EPC1: variants seen among roughly 807,000 people sequenced by gnomAD.
The protein encoded by EPC1 is enhancer of polycomb 1, also known as enhancer of polycomb homolog 1.
EPC1 carries 12 observed loss-of-function variants against 98.4 expected under a neutral mutation model. The observed-to-expected ratio is 0.12, with a 90% confidence interval of 0.08 to 0.20. The LOEUF (loss-of-function observed/expected upper bound fraction) is 0.20, where lower values mean the gene tolerates loss of function less well. Ranked by LOEUF, EPC1 falls within the 10% of genes least tolerant of loss-of-function variation. EPC1 has a pLI of 1.00. For missense variants in EPC1, 729 were observed against 990.5 expected (o/e 0.74, Z 3.54); for synonymous variants, 357 against 363.9 (o/e 0.98, Z 0.21).
chr10:32,309,987 G>C (rs956339408), intron 1 of EPC1, among the ~76,000 whole-genome samples: 1 of 151,692 alleles, frequency 6.6e-6, no homozygotes, highest in Non-Finnish European at 1.5e-5. Context: ...TTGAGGTCAG[G>C]AGTTCAAGAC....
chr10:32,340,410 A>G (rs985036826), intron 1 of EPC1, among the ~76,000 whole-genome samples: 1 of 152,266 alleles, frequency 6.6e-6, no homozygotes, highest in Non-Finnish European at 1.5e-5. Context: ...AGTGTCCACT[A>G]TATTTAAAAT....
At chr10:32,326,209 G>A (rs1477286473) in intron 1 of EPC1, among the ~76,000 whole-genome samples, 1 of 152,154 alleles carries the variant, frequency 6.6e-6, no homozygotes, top group Non-Finnish European at 1.5e-5. Flanking sequence ...CTTTAGAGTT[G>A]TTCATCAAAA....
At chr10:32,275,165 C>T (rs556228383) in intron 10 of EPC1, among the ~76,000 whole-genome samples, 1 of 152,330 alleles carries the variant, frequency 6.6e-6, no homozygotes, top group East Asian at 1.9e-4. Context: ...TTTTGTAGAA[C>T]TTTGCTGGCG....
chr10:32,359,568 G>T (rs1564566647), intron 1 of EPC1, among the ~76,000 whole-genome samples: 1 of 152,192 alleles, frequency 6.6e-6, no homozygotes, highest in Non-Finnish European at 1.5e-5. Context: ...AGTGAAAACA[G>T]CATAGCATGG....
intron 1 of EPC1, among the ~76,000 whole-genome samples, chr10:32,356,635 T>G (rs1839285800): frequency 6.6e-6 from 1 of 152,168 alleles, no homozygotes; most frequent in Admixed American, 6.5e-5. Context: ...AAATAGACTC[T>G]GTGAGCTGAG....
intron 1 of EPC1, among the ~76,000 whole-genome samples, chr10:32,377,670 A>C (rs1158778095): frequency 4.6e-5 from 7 of 152,214 alleles, no homozygotes; most frequent in Non-Finnish European, 4.4e-5. Flanking sequence ...GGAGAAGAGA[A>C]TAGATCAAAT....
intron 1 of EPC1, among the ~76,000 whole-genome samples, chr10:32,326,919 A>G (rs1191204368): frequency 1.3e-5 from 2 of 151,842 alleles, no homozygotes; most frequent in Non-Finnish European, 2.9e-5. Context: ...GATGCAGAGA[A>G]AAAAAGAACT....
rs1836492519 is a variant in EPC1 at position 32,283,077 on chromosome 10, TTG to T, written c.1744+1619_1744+1620del. ...CTTTATCTTCCAGCTGATTTCTGAA[TTG>T]TGATTATTTTTCTCATGAGCTGAAA... is the stretch of plus-strand genomic sequence containing the variant. On this transcript the variant is annotated intron_variant, in intron 10 of 13. Transcript: ENST00000319778. The T allele has an allele frequency of 2.0e-5, 3 of 152,194 alleles. No individual in the cohort carries two copies. The South Asian group carries it at 6.2e-4, about 32-fold the overall frequency. 9.4% of individuals were successfully genotyped at this position (152,194 alleles called of 1,614,324 possible).
intron 2 of EPC1, among the ~76,000 whole-genome samples, chr10:32,296,026 C>T (rs1173418351): frequency 6.6e-6 from 1 of 151,622 alleles, no homozygotes; most frequent in Non-Finnish European, 1.5e-5. Context: ...CGGGTTCAAG[C>T]GATTCTCCTG....
At position 32,268,129 on chromosome 10, in the gene EPC1, A is replaced by G. The variant is rs1381437379; in HGVS notation, c.*934T>C. On this transcript the variant is annotated 3_prime_UTR_variant, in exon 14 of 14. Coordinates refer to ENST00000319778, the MANE Select transcript of EPC1 (RefSeq NM_001272004.3). ...ATGAAGTCTTTTAAACAATTCGACA[A>G]TAAAAAAGTACAATTTTTTTTGTGC... is the stretch of plus-strand genomic sequence containing the variant. 1.3e-5 allele frequency: 2 copies of G among 152,232 alleles called. No homozygotes were observed. The highest frequency in any genetic ancestry group is 2.9e-5 in the Non-Finnish European group (2 of 68,046). 9.4% of individuals were successfully genotyped at this position (152,232 alleles called of 1,614,324 possible).
At chr10:32,271,175 G>A (rs558700287) in intron 13 of EPC1, among the ~76,000 whole-genome samples, 1 of 152,192 alleles carries the variant, frequency 6.6e-6, no homozygotes, top group South Asian at 2.1e-4. Context: ...ATTTTTAGTA[G>A]AGGTGGCCTT....
intron 1 of EPC1, among the ~76,000 whole-genome samples, chr10:32,328,685 C>T (rs757662764): frequency 1.3e-5 from 2 of 152,174 alleles, no homozygotes; most frequent in Non-Finnish European, 2.9e-5. Context: ...CTGAAACCAG[C>T]ACACTCTCCA....
intron 1 of EPC1, among the ~76,000 whole-genome samples, chr10:32,360,515 C>G (rs1486939272): frequency 6.6e-6 from 1 of 152,042 alleles, no homozygotes; most frequent in South Asian, 2.1e-4. Flanking sequence ...GCAGGATGTA[C>G]CAGAAGGAAC....
At chr10:32,272,280 C>A in intron 11 of EPC1, 113 bp from the exon 12 acceptor site, 1 of 829,400 alleles carries the variant, frequency 1.2e-6, no homozygotes, top group South Asian at 2.2e-5. Context: ...TGGCAAACCA[C>A]TGAAATCTTT....
chr10:32,303,210 C>T (rs939963813), intron 2 of EPC1, among the ~76,000 whole-genome samples: 3 of 151,954 alleles, frequency 2.0e-5, no homozygotes, highest in South Asian at 2.1e-4. Flanking sequence ...GGCTGAGGCA[C>T]GAGAATCGCT....
intron 11 of EPC1, 36 bp downstream of exon 11, chr10:32,273,127 A>G (rs749410014): frequency 6.2e-7 from 1 of 1,614,128 alleles, no homozygotes; most frequent in Admixed American, 1.7e-5. Context: ...GGTGGGAAAC[A>G]ATGAGGGATA....
chr10:32,354,701 A>C (rs772252475), intron 1 of EPC1, among the ~76,000 whole-genome samples: 1 of 150,580 alleles, frequency 6.6e-6, no homozygotes, highest in Non-Finnish European at 1.5e-5. Context: ...TGTAATGTGT[A>C]ACTGGCCACA....
intron 1 of EPC1, among the ~76,000 whole-genome samples, chr10:32,360,184 T>G (rs1839402402): frequency 6.6e-6 from 1 of 152,264 alleles, no homozygotes; most frequent in African/African-American, 2.4e-5. Flanking sequence ...GTATCATTCC[T>G]AGGTATATTT....
chr10:32,307,003 A>G (rs1216465283), intron 1 of EPC1, among the ~76,000 whole-genome samples: 2 of 152,214 alleles, frequency 1.3e-5, no homozygotes, highest in African/African-American at 4.8e-5. Context: ...AAATGTGTAC[A>G]TATTTAAATA....
Sources: allele counts gnomAD v4.1 joint callset (sites outside exome capture counted in the v4.1 genomes callset), GRCh38; gene constraint gnomAD v4.1.1; transcripts MANE v1.5; gene names NCBI Gene and HGNC (gene_info 2026-07-23, HGNC 2026-07-21).